The following CPT1B variants were observed in gnomAD, a reference collection of about 807,000 sequenced individuals.
The protein encoded by CPT1B is carnitine palmitoyltransferase 1B.
CPT1B carries 57 observed loss-of-function variants against 92.7 expected under a neutral mutation model. The observed-to-expected ratio is 0.62, with a 90% CI of 0.50 to 0.77. CPT1B has a LOEUF of 0.77. Ranked by LOEUF, CPT1B falls within the 30% of genes least tolerant of loss-of-function variation. The probability of loss-of-function intolerance (pLI) is 0.00; values close to 1 mark genes in which losing one functional copy is unlikely to be tolerated. For missense variants in CPT1B, 983 were observed against 1,017.4 expected (o/e 0.97, Z 0.46); for synonymous variants, 398 against 383.5 (o/e 1.04, Z -0.44).
At chr22:50,575,391 A>G (rs960113458) in intron 7 of CPT1B, among the ~76,000 whole-genome samples, 2 of 152,254 alleles carry the variant, frequency 1.3e-5, no homozygotes, top group African/African-American at 4.8e-5. Context: ...ACTAAAAAGC[A>G]GTTTAAAACC....
At position 50,573,043 on chromosome 22, in the gene CPT1B, G is replaced by A. The variant is rs766904019; in HGVS notation, c.1184C>T (p.Ala395Val). The A allele has an allele frequency of 6.2e-7, 1 of 1,601,066 alleles. No homozygotes were observed. Among genetic ancestry groups the A allele is most frequent in the East Asian group, 2.3e-5 (1 of 44,418 alleles). ...TAGGRVEWAQ[A>V]RQAFFSSGKN... is the part of the protein sequence containing the mutation. ...TCCAGAGCTAAAGAAGGCCTGGCGTGCCTGCGCCCACTCCACCCTGAAGCA... is the reference window on the plus strand; with the variant it reads ...TCCAGAGCTAAAGAAGGCCTGGCGTACCTGCGCCCACTCCACCCTGAAGCA... Residue 395 changes from alanine to valine, a missense_variant, in exon 11 of 20, where the codon GCA becomes GTA. Transcript: ENST00000312108. This position sits in a 1 kb window ranked among gnomAD's most constrained non-coding sequence, Gnocchi z 5.0.
At chr22:50,569,801 G>A (rs2070072978) in intron 17 of CPT1B, 133 bp from the exon 18 acceptor site, 1 of 743,492 alleles carries the variant, frequency 1.3e-6, no homozygotes. Context: ...CATTTTTCCT[G>A]AGGACCACCC....
intron 13 of CPT1B, 66 bp from the exon 14 acceptor site, chr22:50,571,605 A>G (rs1384084945): frequency 2.6e-6 from 4 of 1,542,748 alleles, no homozygotes; most frequent in African/African-American, 1.4e-5. Flanking sequence ...GGTCATGTCT[A>G]GGAGGCATGA....
intron 16 of CPT1B, among the ~76,000 whole-genome samples, chr22:50,570,662 T>C (rs571829454): frequency 6.6e-6 from 1 of 152,308 alleles, no homozygotes; most frequent in East Asian, 1.9e-4. Flanking sequence ...GATCATATAT[T>C]TGTCTGTTCC....
Position 50,576,316 on chromosome 22 carries a change from G to A in CPT1B, c.581C>T (p.Pro194Leu). Reference protein sequence around the residue: ...TIQRYLESVRPLLDDEEYYRM... With the variant: ...TIQRYLESVRLLLDDEEYYRM... ...GTAATATTCCTCATCATCCAACAAG[G>A]GGCGCACAGACTCTAGGTACTGTCC... The change falls in exon 6 of 20, where the codon CCC (proline) becomes CTC (leucine). Residue 194 changes from proline to leucine, a missense_variant. Coordinates refer to ENST00000312108, the MANE Select transcript of CPT1B (RefSeq NM_152246.3). 1 of 1,614,032 alleles carries A rather than the reference G, an allele frequency of 6.2e-7. No homozygotes were observed.
At chr22:50,570,226 C>T in intron 17 of CPT1B, 67 bp downstream of exon 17, 3 of 1,191,866 alleles carry the variant, frequency 2.5e-6, no homozygotes, top group Non-Finnish European at 3.5e-6. Context: ...GACCTCAGGG[C>T]CTGCACTCGC....
rs151130325 is a variant in CPT1B at position 50,572,955 on chromosome 22, T to C, written c.1272A>G (p.Glu424=). 2 of 1,613,706 alleles carry C rather than the reference T, an allele frequency of 1.2e-6. No individual in the cohort carries two copies. The highest frequency in any genetic ancestry group is 2.7e-5 in the African/African-American group (2 of 74,936). ...CATCTTCGGGGTCATAGGAGTAGGATTCCTCATCCAGGGCCACGAAGAAAG... is the reference window on the plus strand; with the variant it reads ...CATCTTCGGGGTCATAGGAGTAGGACTCCTCATCCAGGGCCACGAAGAAAG... The part of the protein sequence containing the change: ...RAAFFVALDE[E]SYSYDPEDEA... Residue 424 remains glutamate, a synonymous_variant, in exon 11 of 20, where the codon GAA becomes GAG. Coordinates refer to ENST00000312108, the MANE Select transcript of CPT1B (RefSeq NM_152246.3).
chr22:50,570,704 A>G (rs942128851), intron 16 of CPT1B, among the ~76,000 whole-genome samples, 187 bp downstream of exon 16: 40 of 152,288 alleles, frequency 2.6e-4, no homozygotes, highest in Non-Finnish European at 4.9e-4. Flanking sequence ...CACAAAGAGG[A>G]TGTTGCTCCT....
Position 50,572,202 on chromosome 22 carries a change from C to T in CPT1B, c.1458+1G>A, listed in dbSNP as rs753244620. The T allele has an allele frequency of 3.7e-6, 6 of 1,613,258 alleles. No homozygotes were observed. Among genetic ancestry groups the T allele is most frequent in the Non-Finnish European group, 5.1e-6 (6 of 1,179,384 alleles). ...GCAGGTTCCCTCTGCAAGGCTATTA[C>T]CTCCCAGAGGTGCCCAATGATGGGA... On this transcript the variant is annotated splice_donor_variant, in intron 12 of 19. Coordinates refer to ENST00000312108, the MANE Select transcript of CPT1B (RefSeq NM_152246.3). LOFTEE classifies it high-confidence loss of function.
rs1017646306 is a variant in CPT1B, at chr22:50,576,950, G to T, written c.366C>A (p.Phe122Leu). The stretch of plus-strand genomic sequence containing the variant: ...GCAGCTTCAGGGTTTGGCGGAAGAA[G>T]AAGATGCCCGTCACCCAGACGCCCG... ...FSTGVWVTGI[F>L]FFRQTLKLLL... The change falls in exon 4 of 20, where the codon TTC becomes TTA. Residue 122 changes from phenylalanine (F) to leucine (L), a missense_variant. Transcript: ENST00000312108. 5 of 1,614,128 alleles carry T rather than the reference G, an allele frequency of 3.1e-6. No homozygotes were observed. The highest frequency in any genetic ancestry group is 4.2e-6 in the Non-Finnish European group (5 of 1,180,028).
chr22:50,570,409 G>C lies in CPT1B; in HGVS notation c.2029-3C>G, dbSNP rs2070108610. 1 of 1,587,032 alleles carries C rather than the reference G, an allele frequency of 6.3e-7. No homozygotes were observed. Among genetic ancestry groups the C allele is most frequent in the African/African-American group, 1.3e-5 (1 of 74,130 alleles). On this transcript the variant is annotated splice_polypyrimidine_tract_variant and splice_region_variant and intron_variant, in intron 16 of 19. Transcript: ENST00000312108. ...AGACGCCAGGGTTCCGAGAGCACCT[G>C]CAATGGAGGCCACAGCTGGTCAGAG...
intron 13 of CPT1B, 106 bp downstream of exon 13, chr22:50,571,900 G>T: frequency 9.2e-7 from 1 of 1,087,340 alleles, no homozygotes; most frequent in Non-Finnish European, 1.4e-6. Flanking sequence ...CGAGGGCTGG[G>T]CCAGGCAGTG....
Position 50,573,629 on chromosome 22 carries a change from G to T in CPT1B, c.1057C>A (p.Arg353Ser). ...FFKLWLYEGA[R>S]LLKPQDLEMQ... ...TCCAGATCCTGAGGCTTGAGCAGAC[G>T]GGCGCCCTCATAGAGCCACAGCTTG... Residue 353 changes from arginine to serine, a missense_variant, in exon 10 of 20, where the codon CGT becomes AGT. Transcript: ENST00000312108. This position sits in a 1 kb window ranked among gnomAD's most constrained non-coding sequence, Gnocchi z 5.0. The T allele has an allele frequency of 6.2e-7, 1 of 1,613,450 alleles. No individual in the cohort carries two copies.
chr22:50,577,512 G>A (rs959296138), intron 2 of CPT1B, 49 bp from the exon 3 acceptor site: 4 of 1,604,404 alleles, frequency 2.5e-6, no homozygotes, highest in Non-Finnish European at 3.4e-6. Flanking sequence ...CGGGAGGTTA[G>A]CCTGCCTGTG....
At position 50,573,984 on chromosome 22, in the gene CPT1B, T is replaced by A; in HGVS notation, c.971-269A>T. ...GAGGGTTGTGCAAACCGCCTAAGGA[T>A]ACAGTGTCAGAAGCAGGGAAGGCTG... On this transcript the variant is annotated intron_variant, in intron 9 of 19. Transcript: ENST00000312108. The surrounding 1 kb of genome is among the most constrained non-coding windows in gnomAD (Gnocchi z 5.0). The A allele has an allele frequency of 1.4e-6, 1 of 700,342 alleles. No individual in the cohort carries two copies. 43.4% of individuals were successfully genotyped at this position (700,342 alleles called of 1,614,324 possible).
chr22:50,576,977 G>T lies in CPT1B; in HGVS notation c.339C>A (p.Ser113=). ...TRALLSMAIF[S]TGVWVTGIFF... ...AGATGCCCGTCACCCAGACGCCCGTGGAGAAGATGGCCATGCTGAGAAGTG... is the reference window on the plus strand; with the variant it reads ...AGATGCCCGTCACCCAGACGCCCGTTGAGAAGATGGCCATGCTGAGAAGTG... The change falls in exon 4 of 20, where the codon TCC becomes TCA. Residue 113 remains serine, a synonymous_variant. Coordinates refer to ENST00000312108, the MANE Select transcript of CPT1B (RefSeq NM_152246.3). The T allele has an allele frequency of 6.2e-7, 1 of 1,614,106 alleles. No individual in the cohort carries two copies. Among genetic ancestry groups the T allele is most frequent in the Non-Finnish European group, 8.5e-7 (1 of 1,180,002 alleles).
At position 50,576,263 on chromosome 22, in the gene CPT1B, G is replaced by T; in HGVS notation, c.634C>A (p.Gln212Lys). The change falls in exon 6 of 20, where the codon CAG (glutamine) becomes AAG (lysine). Residue 212 changes from glutamine (Q) to lysine (K), a missense_variant. Coordinates refer to ENST00000312108, the MANE Select transcript of CPT1B (RefSeq NM_152246.3). ...YRMELLAKEF[Q>K]DKTAPRLQKY... ...TGCAGCCTGGGGGCAGTCTTGTCCTGGAATTCTTTGGCCAGCAACTCCATG... is the reference window on the plus strand; with the variant it reads ...TGCAGCCTGGGGGCAGTCTTGTCCTTGAATTCTTTGGCCAGCAACTCCATG... 1 of 1,614,048 alleles carries T rather than the reference G, an allele frequency of 6.2e-7. No homozygotes were observed. Among genetic ancestry groups the T allele is most frequent in the East Asian group, 2.2e-5 (1 of 44,874 alleles).
chr22:50,575,410 G>T (rs1307598365), intron 7 of CPT1B, among the ~76,000 whole-genome samples: 1 of 152,216 alleles, frequency 6.6e-6, no homozygotes, highest in Non-Finnish European at 1.5e-5. Context: ...CCTCTGCTAT[G>T]GGCAAGTTGT....
intron 2 of CPT1B, 61 bp from the exon 3 acceptor site, chr22:50,577,524 A>G: frequency 6.3e-7 from 1 of 1,594,970 alleles, no homozygotes; most frequent in Admixed American, 1.7e-5. Context: ...CTGCCTGTGA[A>G]GTCTTGGGAA....
Sources: gnomAD v4.1 joint callset for allele counts (sites outside exome capture counted in the v4.1 genomes callset) on GRCh38, gnomAD v4.1.1 for gene constraint, Gnocchi (gnomAD v3.1) non-coding constraint, MANE v1.5 for transcripts, NCBI Gene and HGNC (gene_info 2026-07-23, HGNC 2026-07-21) for gene names.